The following LIMS1 variants were observed in gnomAD, a reference collection of about 807,000 sequenced individuals.
LIMS1 encodes LIM and senescent cell antigen-like-containing domain protein 1.
Under a neutral mutation model 44.1 loss-of-function variants are expected in LIMS1, and 18 were observed. That is an observed-to-expected ratio of 0.41 (90% confidence interval 0.28 to 0.61). The LOEUF is 0.61. Ranked by LOEUF, LIMS1 falls within the 20% of genes least tolerant of loss-of-function variation. The probability of loss-of-function intolerance (pLI) is 0.32; values close to 1 mark genes in which losing one functional copy is unlikely to be tolerated. For synonymous variants in LIMS1, 93 were observed against 149.1 expected (o/e 0.62, Z 2.74); for missense variants, 201 against 422.0 (o/e 0.48, Z 4.59).
chr2:108,675,884 GC>G lies in LIMS1; in HGVS notation c.538del (p.Leu180Ter). 1 of 1,613,936 alleles carries G rather than the reference GC, an allele frequency of 6.2e-7. No individual in the cohort carries two copies. Among genetic ancestry groups the G allele is most frequent in the Non-Finnish European group, 8.5e-7 (1 of 1,179,862 alleles). The stretch of plus-strand genomic sequence containing the variant: ...GTGTCTTTCTCACGGACAGGAAGGA[GC>G]TGACTGCCGATGCACGGGAGCTGAA... On this transcript the variant is annotated frameshift_variant, in exon 6 of 10. Transcript: ENST00000544547. LOFTEE classifies it high-confidence loss of function.
chr2:108,654,647 A>G (rs1354549851), intron 1 of LIMS1, among the ~76,000 whole-genome samples: 2 of 152,226 alleles, frequency 1.3e-5, no homozygotes, highest in African/African-American at 2.4e-5. Context: ...AAGGTCTCCA[A>G]AAGCCTCTTA....
At position 108,684,082 on chromosome 2, in the gene LIMS1, C is replaced by T. The variant is rs1358205434; in HGVS notation, c.*83C>T. 4 of 698,372 alleles carry T rather than the reference C, an allele frequency of 5.7e-6. No individual in the cohort carries two copies. The South Asian group carries it at 7.5e-5, about 13-fold the overall frequency. 43.3% of individuals were successfully genotyped at this position (698,372 alleles called of 1,614,324 possible). A position where few individuals can be genotyped will look rare whatever the true frequency, so the allele number is the denominator to read the frequency against. On this transcript the variant is annotated 3_prime_UTR_variant, in exon 10 of 10. Coordinates refer to ENST00000544547, the Ensembl canonical transcript of LIMS1. Reference sequence around the variant, plus strand: ...GATCTACCCATATTTAAAGCTATATCTCAAAGCAGTTGAGAGAAGAGGACC... The same window carrying T: ...GATCTACCCATATTTAAAGCTATATTTCAAAGCAGTTGAGAGAAGAGGACC...
intron 1 of LIMS1, chr2:108,655,018 C>T (rs1437633753): frequency 4.3e-6 from 7 of 1,611,296 alleles, no homozygotes; most frequent in South Asian, 1.1e-5. Context: ...TATTGTTTCT[C>T]CTGGCTCTGT....
chr2:108,542,248 A>G (rs1176484399), intron 1 of LIMS1, among the ~76,000 whole-genome samples: 2 of 152,206 alleles, frequency 1.3e-5, no homozygotes, highest in Non-Finnish European at 2.9e-5. Context: ...AGAAATTCAG[A>G]TGATATTTAG....
At chr2:108,613,404 A>G (rs1687765394) in intron 1 of LIMS1, among the ~76,000 whole-genome samples, 1 of 152,212 alleles carries the variant, frequency 6.6e-6, no homozygotes, top group African/African-American at 2.4e-5. Flanking sequence ...GTTTGTTGCT[A>G]TGTCCACAAA....
intron 1 of LIMS1, among the ~76,000 whole-genome samples, chr2:108,549,556 A>C (rs1156873879): frequency 6.6e-6 from 1 of 152,050 alleles, no homozygotes; most frequent in Non-Finnish European, 1.5e-5. Flanking sequence ...TGCAGGAACA[A>C]GTTATTTGAT....
intron 1 of LIMS1, among the ~76,000 whole-genome samples, chr2:108,551,953 G>GTAGATA (rs1684754424): frequency 1.2e-5 from 1 of 85,290 alleles, no homozygotes; most frequent in South Asian, 3.2e-4. Flanking sequence ...GTGTGTGTGT[G>GTAGATA]TATATATATA....
chr2:108,566,021 C>T (rs1374945243), intron 1 of LIMS1, among the ~76,000 whole-genome samples: 2 of 152,166 alleles, frequency 1.3e-5, no homozygotes, highest in Non-Finnish European at 2.9e-5. Context: ...ACATTCACAC[C>T]ATAGCAGCTC....
intron 1 of LIMS1, among the ~76,000 whole-genome samples, chr2:108,606,513 T>C (rs1365307319): frequency 1.3e-5 from 2 of 152,252 alleles, no homozygotes; most frequent in African/African-American, 4.8e-5. Flanking sequence ...AAGGTACTTT[T>C]ACAATTTTAT....
chr2:108,549,457 G>A (rs906867411), intron 1 of LIMS1, among the ~76,000 whole-genome samples: 5 of 151,766 alleles, frequency 3.3e-5, no homozygotes. Flanking sequence ...ACCATGCCCA[G>A]CTAATTTTTG....
intron 1 of LIMS1, among the ~76,000 whole-genome samples, chr2:108,586,524 G>C (rs141033608): frequency 6.6e-6 from 1 of 152,296 alleles, no homozygotes; most frequent in East Asian, 1.9e-4. Context: ...AGAGAAGAAA[G>C]GGATGAGGTC....
At chr2:108,625,930 T>C (rs1688546589) in intron 1 of LIMS1, among the ~76,000 whole-genome samples, 1 of 152,254 alleles carries the variant, frequency 6.6e-6, no homozygotes, top group South Asian at 2.1e-4. Context: ...GACTAGTACA[T>C]AACCATTAAT....
chr2:108,557,851 C>A (rs1310545684), intron 1 of LIMS1, among the ~76,000 whole-genome samples: 2 of 152,160 alleles, frequency 1.3e-5, no homozygotes, highest in Non-Finnish European at 2.9e-5. Flanking sequence ...TTTAAGTGAA[C>A]ATGATTCTTG....
chr2:108,567,479 A>G (rs1381293366), intron 1 of LIMS1, among the ~76,000 whole-genome samples: 1 of 152,254 alleles, frequency 6.6e-6, no homozygotes. Flanking sequence ...AAAGTATATG[A>G]TCATCATACA....
At chr2:108,587,516 A>G (rs1686168321) in intron 1 of LIMS1, among the ~76,000 whole-genome samples, 2 of 151,928 alleles carry the variant, frequency 1.3e-5, no homozygotes, top group East Asian at 1.9e-4. Context: ...TCTTGTTTTT[A>G]AAGATTAACC....
At chr2:108,551,431 GTATA>G (rs1222116366) in intron 1 of LIMS1, among the ~76,000 whole-genome samples, 2 of 136,668 alleles carry the variant, frequency 1.5e-5, no homozygotes, top group Non-Finnish European at 3.1e-5. Context: ...ATATAGTTAA[GTATA>G]TATAGTATAT....
At chr2:108,593,828 C>T (rs1686529766) in intron 1 of LIMS1, among the ~76,000 whole-genome samples, 1 of 152,164 alleles carries the variant, frequency 6.6e-6, no homozygotes, top group Admixed American at 6.5e-5. Flanking sequence ...TTCCTGTAAT[C>T]CTGATTGGCC....
chr2:108,646,729 C>T (rs953016355), intron 1 of LIMS1, among the ~76,000 whole-genome samples: 6 of 152,076 alleles, frequency 3.9e-5, no homozygotes, highest in Non-Finnish European at 4.4e-5. Flanking sequence ...TGTTTTGAGA[C>T]GGAGTCTGGC....
chr2:108,650,002 A>G (rs1025191597), intron 1 of LIMS1, among the ~76,000 whole-genome samples: 4 of 152,170 alleles, frequency 2.6e-5, no homozygotes, highest in Admixed American at 2.6e-4. Context: ...AAAAAAAGAA[A>G]AACGCCCTTA....
Sources: allele counts gnomAD v4.1 joint callset (sites outside exome capture counted in the v4.1 genomes callset), GRCh38; gene constraint gnomAD v4.1.1; transcripts MANE v1.5; gene names NCBI Gene and HGNC (gene_info 2026-07-23, HGNC 2026-07-21).